Variants in LTBP1 observed in about 807,000 individuals in gnomAD.
The protein encoded by LTBP1 is latent transforming growth factor beta binding protein 1, also known as latent-transforming growth factor beta-binding protein 1.
In LTBP1, 129 loss-of-function variants were observed where a neutral mutation model predicts 207.6. The observed-to-expected ratio is 0.62, with a 90% CI of 0.54 to 0.72. LTBP1 has a LOEUF of 0.72. Among genes scored for constraint, LTBP1 ranks in the 30% least tolerant of loss-of-function variants. LTBP1 has a pLI of 0.00. For synonymous variants in LTBP1, 963 were observed against 833.7 expected (o/e 1.16, Z -2.67); for missense variants, 2,281 against 2,217.2 (o/e 1.03, Z -0.58).
intron 2 of LTBP1, among the ~76,000 whole-genome samples, chr2:33,016,465 T>C (rs2149162917): frequency 6.6e-6 from 1 of 151,980 alleles, no homozygotes; most frequent in Non-Finnish European, 1.5e-5. Flanking sequence ...ACCTGGGGAG[T>C]TAAAAAAGTA....
intron 3 of LTBP1, among the ~76,000 whole-genome samples, chr2:33,109,633 C>A (rs530270185): frequency 6.6e-6 from 1 of 151,976 alleles, no homozygotes; most frequent in East Asian, 1.9e-4. Flanking sequence ...AGTCTTGACT[C>A]GTGCTATTAA....
intron 24 of LTBP1, among the ~76,000 whole-genome samples, chr2:33,341,528 G>C (rs2094620443): frequency 1.3e-5 from 2 of 151,692 alleles, no homozygotes; most frequent in African/African-American, 4.8e-5. Flanking sequence ...TGGCTAACAT[G>C]GTGAAACACC....
Position 33,360,721 on chromosome 2 carries a change from A to G in LTBP1, c.4125A>G (p.Thr1375=). ...TCACGAAACAAGAATGCTGCTGTACATCAGGCGTGGGATGGGGAGATAACT... is the reference window on the plus strand; with the variant it reads ...TCACGAAACAAGAATGCTGCTGTACGTCAGGCGTGGGATGGGGAGATAACT... ...PNVTKQECCC[T]SGVGWGDNCE... is the part of the protein sequence containing the mutation. Residue 1375 remains threonine (T), a synonymous_variant, in exon 27 of 34, where the codon ACA becomes ACG. Coordinates refer to ENST00000404816, the MANE Select transcript of LTBP1 (RefSeq NM_206943.4). 6.2e-7 allele frequency: 1 copy of G among 1,614,084 alleles called. No individual in the cohort carries two copies. The highest frequency in any genetic ancestry group is 8.5e-7 in the Non-Finnish European group (1 of 1,179,902).
intron 3 of LTBP1, among the ~76,000 whole-genome samples, chr2:33,086,793 A>G (rs994867149): frequency 6.6e-6 from 1 of 151,500 alleles, no homozygotes; most frequent in South Asian, 2.1e-4. Context: ...CAGTAAAGTG[A>G]TTTTCACTTC....
At position 33,091,989 on chromosome 2, in the gene LTBP1, A is replaced by G. The variant is rs535349976; in HGVS notation, c.864-18593A>G. ...CACTGGCCAGGCGTGGGGCACCTCT[A>G]GCTGTGTGACTGTGGAGAGTAGCCT... On this transcript the variant is annotated intron_variant, in intron 3 of 33. Coordinates refer to ENST00000404816, the MANE Select transcript of LTBP1 (RefSeq NM_206943.4). Among the ~76,000 whole-genome samples, 5 of 152,288 alleles carry G rather than the reference A, an allele frequency of 3.3e-5. No homozygotes were observed. In the South Asian group the frequency reaches 1.0e-3, roughly 32 times the overall value.
rs572153346 is a variant in LTBP1 at position 33,068,406 on chromosome 2, G to A, written c.864-42176G>A. Among the ~76,000 whole-genome samples the A allele has an allele frequency of 3.8e-3, 580 of 152,108 alleles. 3 individuals carry two copies. The highest frequency in any genetic ancestry group is 6.8e-3 in the Non-Finnish European group (461 of 67,998). On this transcript the variant is annotated intron_variant, in intron 3 of 33. Transcript: ENST00000404816. ...ATCTATTACCACTCCCACACCAGAG[G>A]GGTAATTTGTTATAAATGATGAACC...
intron 31 of LTBP1, among the ~76,000 whole-genome samples, chr2:33,366,388 T>G (rs2094988089): frequency 6.6e-6 from 1 of 152,244 alleles, no homozygotes; most frequent in Non-Finnish European, 1.5e-5. Flanking sequence ...GCATTAATTT[T>G]TAGTTAATTC....
chr2:33,079,936 A>G (rs891216007), intron 3 of LTBP1, among the ~76,000 whole-genome samples: 3 of 64,678 alleles, frequency 4.6e-5, no homozygotes, highest in Non-Finnish European at 9.8e-5. Context: ...TTCCAAATGT[A>G]GACTAAAAAA....
At chr2:32,963,743 C>T (rs879743969) in intron 2 of LTBP1, among the ~76,000 whole-genome samples, 3 of 152,202 alleles carry the variant, frequency 2.0e-5, no homozygotes, top group South Asian at 2.1e-4. Context: ...CTGTGGGATG[C>T]GTAACAAATG....
intron 5 of LTBP1, among the ~76,000 whole-genome samples, chr2:33,173,906 A>C (rs993725996): frequency 2.1e-5 from 3 of 145,736 alleles, no homozygotes; most frequent in East Asian, 2.0e-4. Context: ...GACAAAAACC[A>C]CATGATTATC....
chr2:33,093,490 T>C (rs2079218654), intron 3 of LTBP1, among the ~76,000 whole-genome samples: 1 of 152,090 alleles, frequency 6.6e-6, no homozygotes, highest in African/African-American at 2.4e-5. Context: ...TTTTGGCAAC[T>C]AGGATACGCC....
At chr2:33,368,994 A>G (rs940311058) in intron 31 of LTBP1, among the ~76,000 whole-genome samples, 4 of 152,240 alleles carry the variant, frequency 2.6e-5, no homozygotes, top group Admixed American at 6.5e-5. Context: ...TGAATAATGT[A>G]GCAATATTCT....
chr2:33,168,570 G>C (rs555165862), intron 5 of LTBP1, among the ~76,000 whole-genome samples: 8 of 152,134 alleles, frequency 5.3e-5, no homozygotes, highest in African/African-American at 1.9e-4. Flanking sequence ...CAGTATTTGG[G>C]ATTGTGTACC....
intron 3 of LTBP1, among the ~76,000 whole-genome samples, chr2:33,067,421 T>C (rs1178746390): frequency 1.3e-5 from 2 of 152,164 alleles, no homozygotes; most frequent in African/African-American, 4.8e-5. Flanking sequence ...AAAGTGAAAA[T>C]AAGAAATGAG....
At chr2:33,293,914 C>T (rs1396335102) in intron 20 of LTBP1, among the ~76,000 whole-genome samples, 1 of 149,408 alleles carries the variant, frequency 6.7e-6, no homozygotes, top group East Asian at 2.0e-4. Context: ...ATTCCTATAT[C>T]ACAGTTTTCT....
At chr2:33,240,720 G>A (rs1228334186) in intron 9 of LTBP1, among the ~76,000 whole-genome samples, 15 of 142,614 alleles carry the variant, frequency 1.1e-4, no homozygotes, top group African/African-American at 4.0e-4. Context: ...GCGCGATCTC[G>A]GCTCACTCCA....
At chr2:33,005,942 T>C (rs1263375927) in intron 2 of LTBP1, among the ~76,000 whole-genome samples, 1 of 151,936 alleles carries the variant, frequency 6.6e-6, no homozygotes, top group Non-Finnish European at 1.5e-5. Flanking sequence ...GGTAGAATCA[T>C]TTGAGGTCAT....
chr2:33,011,367 C>A (rs1189193182), intron 2 of LTBP1, among the ~76,000 whole-genome samples: 2 of 152,056 alleles, frequency 1.3e-5, no homozygotes, highest in Non-Finnish European at 2.9e-5. Context: ...CTATAGAAGT[C>A]CTAATCCCCA....
intron 7 of LTBP1, among the ~76,000 whole-genome samples, chr2:33,196,389 A>G: frequency 6.6e-6 from 1 of 152,216 alleles, no homozygotes; most frequent in Non-Finnish European, 1.5e-5. Context: ...CTTTCACTGT[A>G]ATACATTTAG....
Sources: gnomAD v4.1 joint callset for allele counts (sites outside exome capture counted in the v4.1 genomes callset) on GRCh38, gnomAD v4.1.1 for gene constraint, MANE v1.5 for transcripts, NCBI Gene and HGNC (gene_info 2026-07-23, HGNC 2026-07-21) for gene names.